Variants in SYTL1 observed in about 807,000 individuals in gnomAD.
SYTL1 encodes synaptotagmin-like protein 1.
Under a neutral mutation model 74.6 loss-of-function variants are expected in SYTL1, and 53 were observed. That is an observed-to-expected ratio of 0.71 (90% CI 0.57 to 0.89). The LOEUF (loss-of-function observed/expected upper bound fraction) is 0.89. Among genes scored for constraint, SYTL1 ranks in the 40% least tolerant of loss-of-function variants. SYTL1 has a pLI of 0.00. For synonymous variants in SYTL1, 329 were observed against 324.9 expected (o/e 1.01, Z -0.14); for missense variants, 728 against 768.7 (o/e 0.95, Z 0.63).
intron 1 of SYTL1, chr1:27,344,986 G>A (rs182281132): frequency 1.0e-3 from 183 of 179,002 alleles, no homozygotes; most frequent in East Asian, 4.7e-3. Flanking sequence ...GTGCATGTGC[G>A]ACCATATCTA....
chr1:27,343,027 C>T lies in SYTL1; in HGVS notation c.-39+877C>T, dbSNP rs922915733. Among the ~76,000 whole-genome samples, 3 of 152,238 alleles carry T rather than the reference C, an allele frequency of 2.0e-5. No individual in the cohort carries two copies. The highest frequency in any genetic ancestry group is 7.2e-5 in the African/African-American group (3 of 41,460). On this transcript the variant is annotated intron_variant, in intron 1 of 14. Transcript: ENST00000616558. This position sits in a 1 kb window ranked among gnomAD's most constrained non-coding sequence, Gnocchi z 5.2. Reference sequence around the variant, plus strand: ...AGGGTGTCAAGAGGGATCGCTGGGGCTCGGCCACTGACTCAGCTGGGAGGG... The same window carrying T: ...AGGGTGTCAAGAGGGATCGCTGGGGTTCGGCCACTGACTCAGCTGGGAGGG...
chr1:27,350,973 G>A lies in SYTL1; in HGVS notation c.1164+21G>A. On this transcript the variant is annotated intron_variant, in intron 11 of 14. Coordinates refer to ENST00000616558, the MANE Select transcript of SYTL1 (RefSeq NM_001193308.2). This position sits in a 1 kb window ranked among gnomAD's most constrained non-coding sequence, Gnocchi z 6.3. The stretch of plus-strand genomic sequence containing the variant: ...CCCGGGTGAGGCAGCCAGGCCGCGT[G>A]GGGAGACCTGCGGCCCGGGTCTCCT... 6.2e-7 allele frequency: 1 copy of A among 1,611,648 alleles called. No individual in the cohort carries two copies. Among genetic ancestry groups the A allele is most frequent in the Non-Finnish European group, 8.5e-7 (1 of 1,179,228 alleles).
chr1:27,345,338 C>A lies in SYTL1; in HGVS notation c.4C>A (p.Pro2Thr). The A allele has an allele frequency of 6.6e-7, 1 of 1,516,944 alleles. No individual in the cohort carries two copies. The highest frequency in any genetic ancestry group is 8.8e-7 in the Non-Finnish European group (1 of 1,132,130). The allele number at this position is 1,516,944 out of a possible 1,614,324, so 94.0% of individuals were successfully genotyped here. A position where few individuals can be genotyped will look rare whatever the true frequency, so the allele number is the denominator to read the frequency against. The change falls in exon 2 of 15, where the codon CCC (proline) becomes ACC (threonine). Residue 2 changes from proline to threonine, a missense_variant. Coordinates refer to ENST00000616558, the MANE Select transcript of SYTL1 (RefSeq NM_001193308.2). The surrounding 1 kb of genome is among the most constrained non-coding windows in gnomAD (Gnocchi z 6.0). M[P>T]QRGHPSQEGL... ...AGCTGGGGCACAGCCCCAGCTGATG[C>A]CCCAGAGGGGCCACCCATCGCAAGA...
chr1:27,346,891 G>A (rs541206926), intron 2 of SYTL1, among the ~76,000 whole-genome samples: 27 of 152,150 alleles, frequency 1.8e-4, no homozygotes, highest in Non-Finnish European at 3.5e-4. Flanking sequence ...GCTGAGGCAG[G>A]TGGATTGCTT....
rs2015098902 is a variant in SYTL1, at chr1:27,348,527, G to A, written c.459+515G>A. On this transcript the variant is annotated intron_variant, in intron 5 of 14. Coordinates refer to ENST00000616558, the MANE Select transcript of SYTL1 (RefSeq NM_001193308.2). This position sits in a 1 kb window ranked among gnomAD's most constrained non-coding sequence, Gnocchi z 4.1. ...GCTCAAGACCAGCCTGACTAACATG[G>A]AGAAACCCCATCTCTACTAAAAATA... 6.6e-6 allele frequency among the ~76,000 whole-genome samples: 1 copy of A among 152,114 alleles called. No individual in the cohort carries two copies. Among genetic ancestry groups the A allele is most frequent in the Non-Finnish European group, 1.5e-5 (1 of 68,012 alleles).
At position 27,353,306 on chromosome 1, in the gene SYTL1, A is replaced by G. The variant is rs3813795; in HGVS notation, c.1367A>G (p.Gln456Arg). Residue 456 changes from glutamine (Q) to arginine (R), a missense_variant, in exon 14 of 15, where the codon CAG (glutamine) becomes CGG (arginine). By Grantham distance (43) the Gln-to-Arg change is conservative. Transcript: ENST00000616558. ...VQCFVLPDDS[Q>R]ASRQRTRVVR... ...AGCTTCGTGCTGCCTGATGACAGCC[A>G]GGCCAGCCGCCAGCGTACAAGGGTT... 0.66 allele frequency: 1,054,430 copies of G among 1,598,184 alleles called. 358,594 individuals carry two copies. Among genetic ancestry groups the G allele is most frequent in the South Asian group, 0.7 (62,274 of 88,486 alleles).
At position 27,343,712 on chromosome 1, in the gene SYTL1, T is replaced by C. The variant is rs2014877192; in HGVS notation, c.-39+1562T>C. 6.6e-6 allele frequency among the ~76,000 whole-genome samples: 1 copy of C among 152,148 alleles called. No homozygotes were observed. The highest frequency in any genetic ancestry group is 6.5e-5 in the Admixed American group (1 of 15,272). On this transcript the variant is annotated intron_variant, in intron 1 of 14. Coordinates refer to ENST00000616558, the MANE Select transcript of SYTL1 (RefSeq NM_001193308.2). The surrounding 1 kb of genome is among the most constrained non-coding windows in gnomAD (Gnocchi z 5.2). ...TAATTAATCAAACTTTTACCAACCA[T>C]CTGTTGTGTGCAAAGTAATGGCTTT...
In SYTL1 at chr1:27,353,495, G is replaced by T; in HGVS notation, c.1549+7G>T. The T allele has an allele frequency of 6.3e-7, 1 of 1,591,500 alleles. No homozygotes were observed. The stretch of plus-strand genomic sequence containing the variant: ...CGCCTCAGCCTGGGCACCGGTAAGT[G>T]GGACAGCACCCTGAGACAGGCCCTG... On this transcript the variant is annotated splice_region_variant and intron_variant, in intron 14 of 14. Coordinates refer to ENST00000616558, the MANE Select transcript of SYTL1 (RefSeq NM_001193308.2).
At position 27,349,287 on chromosome 1, in the gene SYTL1, G is replaced by T. The variant is rs142714358; in HGVS notation, c.533-111G>T. ...CGTCGGAGGTGGGGACGATCCCAGG[G>T]CAGCACCGGGGCCTGAATCTGCAGC... On this transcript the variant is annotated intron_variant, in intron 6 of 14. Coordinates refer to ENST00000616558, the MANE Select transcript of SYTL1 (RefSeq NM_001193308.2). 2.3e-3 allele frequency: 3,367 copies of T among 1,466,220 alleles called. 6 individuals carry two copies. The highest frequency in any genetic ancestry group is 2.8e-3 in the Non-Finnish European group (3,045 of 1,102,880). The allele number at this position is 1,466,220 out of a possible 1,614,324, so 90.8% of individuals were successfully genotyped here. A position where few individuals can be genotyped will look rare whatever the true frequency, so the allele number is the denominator to read the frequency against.
Position 27,353,334 on chromosome 1 carries a change from G to A in SYTL1, c.1395G>A (p.Val465=). Reference sequence around the variant, plus strand: ...CCAGCCGCCAGCGTACAAGGGTTGTGCGACGCAGCCTCAGCCCTGTGTTCA... The same window carrying A: ...CCAGCCGCCAGCGTACAAGGGTTGTACGACGCAGCCTCAGCCCTGTGTTCA... ...SQASRQRTRV[V]RRSLSPVFNH... The change falls in exon 14 of 15, where the codon GTG becomes GTA. Residue 465 remains valine (V), a synonymous_variant. Coordinates refer to ENST00000616558, the MANE Select transcript of SYTL1 (RefSeq NM_001193308.2). 6.2e-7 allele frequency: 1 copy of A among 1,608,962 alleles called. No homozygotes were observed. Among genetic ancestry groups the A allele is most frequent in the Admixed American group, 1.7e-5 (1 of 59,532 alleles).
rs988393841 is a variant in SYTL1, at chr1:27,343,588, A to ATGTGTGTGTGTGTACGTG, written c.-39+1453_-39+1470dup. On this transcript the variant is annotated intron_variant, in intron 1 of 14. Coordinates refer to ENST00000616558, the MANE Select transcript of SYTL1 (RefSeq NM_001193308.2). The surrounding 1 kb of genome is among the most constrained non-coding windows in gnomAD (Gnocchi z 5.2). ...GTTCCTGGTGCGGGGGAGTGAGCAG[A>ATGTGTGTGTGTGTACGTG]TGTGTGTGTGTGTACGTGTGTGTGT... Among the ~76,000 whole-genome samples the ATGTGTGTGTGTGTACGTG allele has an allele frequency of 3.2e-4, 48 of 148,120 alleles. No individual in the cohort carries two copies. The highest frequency in any genetic ancestry group is 1.7e-3 in the South Asian group (8 of 4,604).
chr1:27,349,432 G>T lies in SYTL1; in HGVS notation c.567G>T (p.Glu189Asp). 6.9e-7 allele frequency: 1 copy of T among 1,453,238 alleles called. No individual in the cohort carries two copies. Among genetic ancestry groups the T allele is most frequent in the Non-Finnish European group, 9.1e-7 (1 of 1,102,362 alleles). The allele number at this position is 1,453,238 out of a possible 1,614,324, so 90.0% of individuals were successfully genotyped here. ...PGQGDQQVCA[E>D]EADPELEPAS... is the part of the protein sequence containing the mutation. The stretch of plus-strand genomic sequence containing the variant: ...AAGGAGACCAACAGGTCTGTGCCGA[G>T]GAGGCTGACCCGGAGCTGGAGCCCG... The change falls in exon 7 of 15, where the codon GAG becomes GAT. Residue 189 changes from glutamate to aspartate, a missense_variant. Physicochemically the swap from Glu to Asp is conservative, Grantham distance 45. Transcript: ENST00000616558.
rs2015288380 is a variant in SYTL1, at chr1:27,351,769, C to A, written c.1343+214C>A. ...TTCAGCGTGACTGGCGCCTATAGGA[C>A]TTGTTGAAAAGCTGAGGCTGAGGGC... On this transcript the variant is annotated intron_variant, in intron 13 of 14. Coordinates refer to ENST00000616558, the MANE Select transcript of SYTL1 (RefSeq NM_001193308.2). The surrounding 1 kb of genome is among the most constrained non-coding windows in gnomAD (Gnocchi z 5.0). 8.3e-6 allele frequency: 4 copies of A among 479,960 alleles called. No homozygotes were observed. The highest frequency in any genetic ancestry group is 1.5e-5 in the Non-Finnish European group (4 of 274,166). 29.7% of individuals were successfully genotyped at this position (479,960 alleles called of 1,614,324 possible).
chr1:27,348,970 C>A lies in SYTL1; in HGVS notation c.460-110C>A. The stretch of plus-strand genomic sequence containing the variant: ...CCCTGCCCGGAGGGCTGCCCTAAAC[C>A]TGAAACTGGGGTAGCTGGCTGGAGC... On this transcript the variant is annotated intron_variant, in intron 5 of 14. Transcript: ENST00000616558. This position sits in a 1 kb window ranked among gnomAD's most constrained non-coding sequence, Gnocchi z 4.1. 1.1e-6 allele frequency: 1 copy of A among 882,522 alleles called. No individual in the cohort carries two copies. 54.7% of individuals were successfully genotyped at this position (882,522 alleles called of 1,614,324 possible).
At chr1:27,346,968 A>G (rs1571033304) in intron 2 of SYTL1, among the ~76,000 whole-genome samples, 1 of 151,726 alleles carries the variant, frequency 6.6e-6, no homozygotes, top group East Asian at 1.9e-4. Flanking sequence ...AAAATATATA[A>G]AAAATTAGCT....
Position 27,350,788 on chromosome 1 carries a change from C to T in SYTL1, c.1006-6C>T, listed in dbSNP as rs2015233429. The stretch of plus-strand genomic sequence containing the variant: ...TGCTCCACTAAAGCTCACCTCCTGT[C>T]CTCAGTACTCCGTCCCGCAGGCCGA... On this transcript the variant is annotated splice_polypyrimidine_tract_variant and splice_region_variant and intron_variant, in intron 10 of 14. Transcript: ENST00000616558. This position sits in a 1 kb window ranked among gnomAD's most constrained non-coding sequence, Gnocchi z 6.3. 2.5e-6 allele frequency: 4 copies of T among 1,613,746 alleles called. No homozygotes were observed. Among genetic ancestry groups the T allele is most frequent in the Non-Finnish European group, 3.4e-6 (4 of 1,180,002 alleles).
chr1:27,349,365 AG>A (rs574318975), intron 6 of SYTL1, 32 bp from the exon 7 acceptor site: 292 of 1,443,470 alleles, frequency 2.0e-4, no homozygotes, highest in Non-Finnish European at 2.6e-4. Flanking sequence ...AGGGCAGGAG[AG>A]GGCTCGCTTA....
At chr1:27,353,603 A>T in intron 14 of SYTL1, 110 bp from the exon 15 acceptor site, 1 of 1,546,878 alleles carries the variant, frequency 6.5e-7, no homozygotes, top group South Asian at 1.2e-5. Flanking sequence ...TCTACTGAGA[A>T]CTGAGGGTGG....
chr1:27,349,918 G>T, intron 8 of SYTL1, 54 bp from the exon 9 acceptor site: 1 of 1,552,214 alleles, frequency 6.4e-7, no homozygotes, highest in Non-Finnish European at 8.6e-7. Flanking sequence ...GCTGCCCGCG[G>T]CCCCGACGTG....
Sources: gnomAD v4.1 joint callset for allele counts (sites outside exome capture counted in the v4.1 genomes callset) on GRCh38, gnomAD v4.1.1 for gene constraint, Gnocchi (gnomAD v3.1) non-coding constraint, MANE v1.5 for transcripts, NCBI Gene and HGNC (gene_info 2026-07-23, HGNC 2026-07-21) for gene names.